Variants in RAB11FIP3 observed in about 807,000 individuals in gnomAD.
RAB11FIP3 encodes rab11 family-interacting protein 3.
In RAB11FIP3, 17 loss-of-function variants were observed where a neutral mutation model predicts 77.8. That is an observed-to-expected ratio of 0.22 (90% CI 0.15 to 0.33). The LOEUF is 0.33. RAB11FIP3 is among the 10% of genes least tolerant of loss of function. The pLI is 1.00. For synonymous variants in RAB11FIP3, 437 were observed against 448.2 expected (o/e 0.98, Z 0.31); for missense variants, 1,005 against 1,011.2 (o/e 0.99, Z 0.08).
intron 3 of RAB11FIP3, among the ~76,000 whole-genome samples, chr16:481,015 G>T (rs183809111): frequency 0.016 from 915 of 56,838 alleles, 123 homozygotes; most frequent in African/African-American, 0.034. Context: ...TTCCATATTG[G>T]TCAGGCTGGT....
intron 5 of RAB11FIP3, among the ~76,000 whole-genome samples, chr16:494,383 G>A (rs922492217): frequency 3.3e-5 from 5 of 151,582 alleles, no homozygotes; most frequent in African/African-American, 4.8e-5. Context: ...AGCACTTTGC[G>A]AGGCTGAGGT....
chr16:483,348 C>T (rs1307209193), intron 4 of RAB11FIP3, among the ~76,000 whole-genome samples: 2 of 152,222 alleles, frequency 1.3e-5, no homozygotes, highest in Non-Finnish European at 2.9e-5. Flanking sequence ...AGGCGTTGCT[C>T]AGTCAACCTG....
At position 456,449 on chromosome 16, in the gene RAB11FIP3, A is replaced by G. The variant is rs143330199; in HGVS notation, c.715-4955A>G. On this transcript the variant is annotated intron_variant, in intron 1 of 13. Transcript: ENST00000262305. ...AGTGAGACCCTGTCTCAAAAAAAAAAAAAGAAAAAGAAAAAGAAAAACAAG... is the reference window on the plus strand; with the variant it reads ...AGTGAGACCCTGTCTCAAAAAAAAAGAAAGAAAAAGAAAAAGAAAAACAAG... 8.7e-4 allele frequency among the ~76,000 whole-genome samples: 130 copies of G among 150,090 alleles called. 1 individual carries two copies. The East Asian group carries it at 0.025, about 28-fold the overall frequency.
intron 1 of RAB11FIP3, among the ~76,000 whole-genome samples, chr16:447,629 T>G (rs1026903606): frequency 2.0e-5 from 3 of 152,098 alleles, no homozygotes; most frequent in African/African-American, 7.2e-5. Context: ...TCCCAGCTAC[T>G]CAGTGGGCTA....
Position 426,252 on chromosome 16 carries a change from G to T in RAB11FIP3, c.246G>T (p.Pro82=). Residue 82 remains proline, a synonymous_variant, in exon 1 of 14, where the codon CCG becomes CCT. Coordinates refer to ENST00000262305, the MANE Select transcript of RAB11FIP3 (RefSeq NM_014700.4). The surrounding 1 kb of genome is among the most constrained non-coding windows in gnomAD (Gnocchi z 5.0). ...AGPAPGLEGG[P]RDPGPSAPPP... ...CGGCCCCGGGGCTGGAGGGAGGCCCGCGAGACCCCGGGCCGTCCGCCCCGC... is the reference window on the plus strand; with the variant it reads ...CGGCCCCGGGGCTGGAGGGAGGCCCTCGAGACCCCGGGCCGTCCGCCCCGC... 1 of 1,132,212 alleles carries T rather than the reference G, an allele frequency of 8.8e-7. No individual in the cohort carries two copies. 70.1% of individuals were successfully genotyped at this position (1,132,212 alleles called of 1,614,324 possible).
Position 471,199 on chromosome 16 carries a change from TG to T in RAB11FIP3, c.809-91del. The T allele has an allele frequency of 4.9e-6, 5 of 1,015,392 alleles. No homozygotes were observed. The highest frequency in any genetic ancestry group is 2.0e-5 in the Admixed American group (1 of 50,916). The allele number at this position is 1,015,392 out of a possible 1,614,324, so 62.9% of individuals were successfully genotyped here. On this transcript the variant is annotated intron_variant, in intron 2 of 13. Transcript: ENST00000262305. This position sits in a 1 kb window ranked among gnomAD's most constrained non-coding sequence, Gnocchi z 4.4. ...CCCCCAACTCCCACACATCTGTCCC[TG>T]GGGGCCTCCTTCCCAGGGAGTCCCG...
chr16:511,572 C>A (rs1321324853), intron 9 of RAB11FIP3, among the ~76,000 whole-genome samples: 2 of 74,250 alleles, frequency 2.7e-5, no homozygotes, highest in Non-Finnish European at 5.0e-5. Context: ...AACCTGCAGG[C>A]CAGGTAGGAG....
At chr16:465,547 G>A (rs2055687453) in intron 2 of RAB11FIP3, among the ~76,000 whole-genome samples, 1 of 152,176 alleles carries the variant, frequency 6.6e-6, no homozygotes, top group South Asian at 2.1e-4. Context: ...CAAAACAGAG[G>A]GAAGTAGATG....
chr16:433,538 A>AT (rs994890560), intron 1 of RAB11FIP3, among the ~76,000 whole-genome samples: 3 of 151,436 alleles, frequency 2.0e-5, no homozygotes, highest in African/African-American at 7.3e-5. Context: ...ACATGATTTC[A>AT]TTTTTTTACG....
chr16:519,070 T>A, intron 10 of RAB11FIP3, 46 bp downstream of exon 10: 1 of 1,587,122 alleles, frequency 6.3e-7, no homozygotes, highest in Non-Finnish European at 8.6e-7. Context: ...GGCCAGCCCA[T>A]GCCCTGCCTG....
At chr16:496,289 G>A (rs748751802) in intron 5 of RAB11FIP3, among the ~76,000 whole-genome samples, 1 of 152,214 alleles carries the variant, frequency 6.6e-6, no homozygotes, top group Non-Finnish European at 1.5e-5. Flanking sequence ...ACTGCAGATG[G>A]TTAAATCAGA....
intron 1 of RAB11FIP3, among the ~76,000 whole-genome samples, chr16:429,442 G>C (rs1218751494): frequency 6.6e-6 from 1 of 151,902 alleles, no homozygotes; most frequent in Non-Finnish European, 1.5e-5. Flanking sequence ...GAGCACATGA[G>C]AGACTCTTAG....
At chr16:480,261 G>GT (rs1567381526) in intron 3 of RAB11FIP3, among the ~76,000 whole-genome samples, 1 of 114,886 alleles carries the variant, frequency 8.7e-6, no homozygotes, top group East Asian at 2.7e-4. Flanking sequence ...CTCCAGCCTG[G>GT]GCAGGAAGAG....
rs1429889690 is a variant in RAB11FIP3 at position 472,182 on chromosome 16, G to T, written c.903+793G>T. Reference sequence around the variant, plus strand: ...CAGGGTAGTTTTTGAGTTGCTTTTGGACGCCACTGTACCGTGGGAGCCATG... The same window carrying T: ...CAGGGTAGTTTTTGAGTTGCTTTTGTACGCCACTGTACCGTGGGAGCCATG... On this transcript the variant is annotated intron_variant, in intron 3 of 13. Coordinates refer to ENST00000262305, the MANE Select transcript of RAB11FIP3 (RefSeq NM_014700.4). This position sits in a 1 kb window ranked among gnomAD's most constrained non-coding sequence, Gnocchi z 4.1. 2.0e-5 allele frequency among the ~76,000 whole-genome samples: 3 copies of T among 152,228 alleles called. No homozygotes were observed. The highest frequency in any genetic ancestry group is 2.9e-5 in the Non-Finnish European group (2 of 68,028).
At chr16:494,119 G>C (rs1209137720) in intron 5 of RAB11FIP3, among the ~76,000 whole-genome samples, 3 of 119,296 alleles carry the variant, frequency 2.5e-5, no homozygotes, top group Admixed American at 2.4e-4. Context: ...TCAATCTCCG[G>C]ACCTCGTGAT....
chr16:429,440 G>T (rs1596176524), intron 1 of RAB11FIP3, among the ~76,000 whole-genome samples: 1 of 151,936 alleles, frequency 6.6e-6, no homozygotes. Flanking sequence ...TTGAGCACAT[G>T]AGAGACTCTT....
intron 6 of RAB11FIP3, among the ~76,000 whole-genome samples, chr16:502,128 C>G (rs183659397): frequency 6.6e-6 from 1 of 152,280 alleles, no homozygotes; most frequent in Non-Finnish European, 1.5e-5. Flanking sequence ...GAACACGCAC[C>G]TTTGCTGTTG....
chr16:473,499 G>C (rs1027324582), intron 3 of RAB11FIP3, among the ~76,000 whole-genome samples: 1 of 152,146 alleles, frequency 6.6e-6, no homozygotes, highest in Non-Finnish European at 1.5e-5. Context: ...GTACAGTCTC[G>C]ATCTTGGCTC....
At chr16:440,962 A>C (rs1371270445) in intron 1 of RAB11FIP3, among the ~76,000 whole-genome samples, 2 of 150,438 alleles carry the variant, frequency 1.3e-5, no homozygotes, top group Non-Finnish European at 1.5e-5. Flanking sequence ...TTTTATTGAG[A>C]CGGAGTCTCG....
Sources: allele counts gnomAD v4.1 joint callset (sites outside exome capture counted in the v4.1 genomes callset), GRCh38; gene constraint gnomAD v4.1.1; non-coding constraint Gnocchi (gnomAD v3.1); transcripts MANE v1.5; gene names NCBI Gene and HGNC (gene_info 2026-07-23, HGNC 2026-07-21).